CNTNAP2: variants seen among roughly 807,000 people sequenced by gnomAD.
The protein encoded by CNTNAP2 is contactin associated protein 2.
Under a neutral mutation model 155.2 loss-of-function variants are expected in CNTNAP2, and 98 were observed. That is an observed-to-expected ratio of 0.63 (90% CI 0.54 to 0.75). CNTNAP2 has a LOEUF of 0.75. Ranked by LOEUF, CNTNAP2 falls within the 30% of genes least tolerant of loss-of-function variation. CNTNAP2 has a pLI of 0.00. For synonymous variants in CNTNAP2, 651 were observed against 631.2 expected (o/e 1.03, Z -0.47); for missense variants, 1,727 against 1,688.1 (o/e 1.02, Z -0.40).
chr7:148,045,223 G>A (rs1471879651), intron 15 of CNTNAP2, among the ~76,000 whole-genome samples: 1 of 152,102 alleles, frequency 6.6e-6, no homozygotes, highest in African/African-American at 2.4e-5. Context: ...GGCTCCACCA[G>A]TGTGGGGAGC....
intron 8 of CNTNAP2, among the ~76,000 whole-genome samples, chr7:147,242,986 C>CTTTTTT (rs1563130639): frequency 9.5e-5 from 4 of 42,162 alleles, no homozygotes; most frequent in Non-Finnish European, 1.6e-4. Context: ...CTATGCTTTG[C>CTTTTTT]ATTTTTTTTT....
intron 15 of CNTNAP2, among the ~76,000 whole-genome samples, chr7:148,005,046 C>T (rs1801951324): frequency 6.6e-6 from 1 of 152,186 alleles, no homozygotes; most frequent in Non-Finnish European, 1.5e-5. Context: ...CTTTGCAGGT[C>T]ACTTGCTGTC....
chr7:147,429,411 G>C (rs530665336), intron 10 of CNTNAP2, among the ~76,000 whole-genome samples: 1 of 152,050 alleles, frequency 6.6e-6, no homozygotes, highest in South Asian at 2.1e-4. Flanking sequence ...CATGTCCTTA[G>C]TCCACTTTTT....
chr7:148,008,841 A>G (rs1046549930), intron 15 of CNTNAP2, among the ~76,000 whole-genome samples: 2 of 152,142 alleles, frequency 1.3e-5, no homozygotes, highest in Non-Finnish European at 2.9e-5. Flanking sequence ...ATGCACTTTT[A>G]TCTTAGTTAG....
intron 21 of CNTNAP2, among the ~76,000 whole-genome samples, chr7:148,325,290 GA>G (rs1797867790): frequency 6.6e-6 from 1 of 152,186 alleles, no homozygotes; most frequent in African/African-American, 2.4e-5. Context: ...AACAGTGTAA[GA>G]AAAACATCTA....
chr7:147,502,001 T>A (rs1267589598), intron 11 of CNTNAP2, among the ~76,000 whole-genome samples: 1 of 152,164 alleles, frequency 6.6e-6, no homozygotes, highest in Non-Finnish European at 1.5e-5. Flanking sequence ...CTTAGGCATA[T>A]ATTTAACCAA....
chr7:147,482,602 T>C (rs1373962175), intron 10 of CNTNAP2, among the ~76,000 whole-genome samples: 1 of 151,976 alleles, frequency 6.6e-6, no homozygotes, highest in African/African-American at 2.4e-5. Context: ...GTGCCTGTGG[T>C]CCCAGCTGCT....
intron 1 of CNTNAP2, among the ~76,000 whole-genome samples, chr7:146,163,537 C>A (rs932426019): frequency 1.4e-5 from 2 of 141,280 alleles, no homozygotes; most frequent in African/African-American, 2.7e-5. Context: ...CTATATATAT[C>A]TATATCTATA....
intron 1 of CNTNAP2, among the ~76,000 whole-genome samples, chr7:146,728,388 T>G (rs1801468437): frequency 6.6e-6 from 1 of 152,130 alleles, no homozygotes. Flanking sequence ...GGAGAGCCCT[T>G]GATGTTTATT....
intron 13 of CNTNAP2, among the ~76,000 whole-genome samples, chr7:147,699,645 G>A (rs1054975193): frequency 3.3e-5 from 5 of 152,040 alleles, no homozygotes; most frequent in East Asian, 1.9e-4. Flanking sequence ...GAAAAATCAC[G>A]AAGGTAGTTT....
intron 3 of CNTNAP2, among the ~76,000 whole-genome samples, chr7:146,853,790 C>T (rs1279561788): frequency 6.6e-6 from 1 of 152,098 alleles, no homozygotes; most frequent in Non-Finnish European, 1.5e-5. Flanking sequence ...AGGAAAGTGC[C>T]TTGACTATTG....
chr7:147,798,217 G>A (rs958383624), intron 13 of CNTNAP2, among the ~76,000 whole-genome samples: 7 of 152,104 alleles, frequency 4.6e-5, no homozygotes, highest in African/African-American at 1.4e-4. Context: ...GGCAAAAGGA[G>A]CATGCAAATT....
At chr7:146,998,273 A>G (rs75950500) in intron 3 of CNTNAP2, among the ~76,000 whole-genome samples, 8,972 of 151,810 alleles carry the variant, frequency 0.059, 343 homozygotes, top group Middle Eastern at 0.13. Context: ...TCATTTTTAA[A>G]TTTTTTCATT....
chr7:147,968,381 T>C (rs904729325), intron 14 of CNTNAP2, among the ~76,000 whole-genome samples: 9 of 152,228 alleles, frequency 5.9e-5, no homozygotes, highest in African/African-American at 2.2e-4. Flanking sequence ...ATTCTAAAGA[T>C]CTCATTGTCA....
intron 1 of CNTNAP2, among the ~76,000 whole-genome samples, chr7:146,765,141 A>G (rs1232078049): frequency 6.6e-6 from 1 of 152,208 alleles, no homozygotes; most frequent in African/African-American, 2.4e-5. Flanking sequence ...GCTAACTGAC[A>G]GTAGTCAATA....
intron 2 of CNTNAP2, among the ~76,000 whole-genome samples, chr7:146,787,112 A>G (rs1346537465): frequency 3.3e-5 from 5 of 152,192 alleles, no homozygotes; most frequent in East Asian, 3.9e-4. Flanking sequence ...TTTGTTTTCA[A>G]CCCTCTGCTT....
intron 15 of CNTNAP2, among the ~76,000 whole-genome samples, chr7:147,988,796 A>T (rs1319607063): frequency 1.3e-5 from 2 of 152,120 alleles, no homozygotes; most frequent in Non-Finnish European, 2.9e-5. Context: ...CCAATCTCTC[A>T]CCATTTGAAG....
intron 1 of CNTNAP2, among the ~76,000 whole-genome samples, chr7:146,588,006 A>ATATG (rs1554452454): frequency 6.7e-6 from 1 of 148,822 alleles, no homozygotes; most frequent in African/African-American, 2.5e-5. Flanking sequence ...CCGTGTGTGT[A>ATATG]TGTGTGTGTG....
At chr7:147,157,502 G>A (rs1801949323) in intron 8 of CNTNAP2, among the ~76,000 whole-genome samples, 1 of 152,106 alleles carries the variant, frequency 6.6e-6, no homozygotes, top group Non-Finnish European at 1.5e-5. Context: ...CACCAGGGTT[G>A]AGGTGCTTCC....
Sources: gnomAD v4.1 joint callset for allele counts (sites outside exome capture counted in the v4.1 genomes callset) on GRCh38, gnomAD v4.1.1 for gene constraint, MANE v1.5 for transcripts, NCBI Gene and HGNC (gene_info 2026-07-23, HGNC 2026-07-21) for gene names.